WNT4: variants seen among roughly 807,000 people sequenced by gnomAD.
WNT4 encodes protein Wnt-4.
In WNT4, 16 loss-of-function variants were observed where a neutral mutation model predicts 34.5. That is an observed-to-expected ratio of 0.46 (90% confidence interval 0.31 to 0.70). The LOEUF is 0.70. WNT4 is among the 30% of genes least tolerant of loss of function. The pLI is 0.04. For synonymous variants in WNT4, 200 were observed against 211.9 expected (o/e 0.94, Z 0.49); for missense variants, 379 against 495.9 (o/e 0.76, Z 2.24).
chr1:22,120,059 C>T lies in WNT4; in HGVS notation c.1047G>A (p.Thr349=), dbSNP rs1422086618. Residue 349 remains threonine, a synonymous_variant, in exon 5 of 5, where the codon ACG becomes ACA. Transcript: ENST00000290167. ...RQCQRLVELH[T]CR is the part of the protein sequence containing the mutation. The stretch of plus-strand genomic sequence containing the variant: ...AGGGCTAGGCAGGCGGTCATCGGCA[C>T]GTGTGCAACTCCACGAGCCGCTGGC... 14 of 1,607,820 alleles carry T rather than the reference C, an allele frequency of 8.7e-6. No homozygotes were observed. The highest frequency in any genetic ancestry group is 1.1e-5 in the Non-Finnish European group (13 of 1,179,624).
intron 2 of WNT4, chr1:22,127,564 G>T: frequency 2.2e-6 from 1 of 457,148 alleles, no homozygotes; most frequent in Non-Finnish European, 4.6e-6. Flanking sequence ...AGTCGGGTGA[G>T]GAGATACGCA....
intron 1 of WNT4, among the ~76,000 whole-genome samples, chr1:22,138,296 C>T (rs552889271): frequency 3.8e-4 from 58 of 152,248 alleles, no homozygotes; most frequent in Admixed American, 6.5e-4. Flanking sequence ...CACTCCTGTC[C>T]TCTGAAAGTG....
chr1:22,135,834 G>GGCCCAGGCC (rs1646017617), intron 1 of WNT4, among the ~76,000 whole-genome samples: 3 of 152,142 alleles, frequency 2.0e-5, no homozygotes, highest in African/African-American at 7.2e-5. Flanking sequence ...CGGAGAGAGA[G>GGCCCAGGCC]AACGGCCTCC....
chr1:22,129,938 G>A, intron 1 of WNT4, 87 bp from the exon 2 acceptor site: 1 of 1,485,134 alleles, frequency 6.7e-7, no homozygotes. Context: ...CCGGGTCTCT[G>A]GGAACTGACT....
chr1:22,120,750 C>T (rs1645891187), intron 4 of WNT4, among the ~76,000 whole-genome samples: 1 of 152,166 alleles, frequency 6.6e-6, no homozygotes, highest in African/African-American at 2.4e-5. Flanking sequence ...GAAAGAGAAG[C>T]ACTAAGGGTG....
chr1:22,129,937 T>C (rs893799021), intron 1 of WNT4, 86 bp from the exon 2 acceptor site: 1 of 1,498,878 alleles, frequency 6.7e-7, no homozygotes, highest in Non-Finnish European at 9.2e-7. Context: ...CCCGGGTCTC[T>C]GGGAACTGAC....
At position 22,118,291 on chromosome 1, in the gene WNT4, T is replaced by C. The variant is rs921343319; in HGVS notation, c.*1759A>G. 16 of 152,032 alleles carry C rather than the reference T, an allele frequency of 1.1e-4. No homozygotes were observed. Among genetic ancestry groups the C allele is most frequent in the African/African-American group, 3.9e-4 (16 of 41,396 alleles). The allele number at this position is 152,032 out of a possible 1,614,324, so 9.4% of individuals were successfully genotyped here. ...GAGCTTGGAGTCTGGGAACCCCAAG[T>C]GGGGGATCACAGAGCATAAAATCTC... On this transcript the variant is annotated 3_prime_UTR_variant, in exon 5 of 5. Transcript: ENST00000290167.
chr1:22,138,994 C>T (rs1363366435), intron 1 of WNT4, among the ~76,000 whole-genome samples: 3 of 152,220 alleles, frequency 2.0e-5, no homozygotes, highest in African/African-American at 7.2e-5. Context: ...AAAGGTGCTC[C>T]CAGCAGCAAC....
chr1:22,127,543 T>TG (rs1645950548), intron 2 of WNT4: 4 of 497,074 alleles, frequency 8.0e-6, no homozygotes, highest in African/African-American at 5.9e-5. Context: ...GTCCTAGTGA[T>TG]GGGGGAGTGG....
In WNT4 at chr1:22,142,071, C is replaced by G. The variant is rs1256742897; in HGVS notation, c.77+775G>C. Among the ~76,000 whole-genome samples, 1 of 152,188 alleles carries G rather than the reference C, an allele frequency of 6.6e-6. No homozygotes were observed. The highest frequency in any genetic ancestry group is 6.5e-5 in the Admixed American group (1 of 15,290). On this transcript the variant is annotated intron_variant, in intron 1 of 4. Coordinates refer to ENST00000290167, the MANE Select transcript of WNT4 (RefSeq NM_030761.5). This position sits in a 1 kb window ranked among gnomAD's most constrained non-coding sequence, Gnocchi z 6.0. ...CACTGGAGCTCATCCCTTTAGTCTC[C>G]CTCCCTGCAGCAAACCTTCCGCCCC...
intron 2 of WNT4, among the ~76,000 whole-genome samples, chr1:22,128,911 G>C (rs942874785): frequency 6.6e-6 from 1 of 152,076 alleles, no homozygotes; most frequent in African/African-American, 2.4e-5. Context: ...TAGTAGAGAC[G>C]GGGTTTCACT....
At position 22,139,738 on chromosome 1, in the gene WNT4, A is replaced by G. The variant is rs1444761231; in HGVS notation, c.77+3108T>C. 6.6e-6 allele frequency among the ~76,000 whole-genome samples: 1 copy of G among 152,184 alleles called. No homozygotes were observed. The highest frequency in any genetic ancestry group is 1.5e-5 in the Non-Finnish European group (1 of 68,024). ...GAACCCAGGTATCCTGACTCCCGGT[A>G]CAGCCTCAGTGCAGGGAAGAGGGGA... On this transcript the variant is annotated intron_variant, in intron 1 of 4. Transcript: ENST00000290167. This position sits in a 1 kb window ranked among gnomAD's most constrained non-coding sequence, Gnocchi z 4.6.
At chr1:22,126,767 G>A (rs1019400419) in intron 2 of WNT4, among the ~76,000 whole-genome samples, 2 of 152,218 alleles carry the variant, frequency 1.3e-5, no homozygotes, top group African/African-American at 4.8e-5. Context: ...AGCTGGTGAC[G>A]GGAGGCGTGT....
chr1:22,132,105 G>A (rs1233642039), intron 1 of WNT4, among the ~76,000 whole-genome samples: 1 of 152,242 alleles, frequency 6.6e-6, no homozygotes, highest in Non-Finnish European at 1.5e-5. Flanking sequence ...GCTACTGGCT[G>A]TGGGCCAGGT....
chr1:22,121,465 A>G lies in WNT4; in HGVS notation c.425T>C (p.Val142Ala). The stretch of plus-strand genomic sequence containing the variant: ...CCTACCCTGTGGGCTGACCCCATGC[A>G]CTGTCCTGTCACAGCCGCACTTCTC... Reference protein sequence around the residue: ...ELEKCGCDRTVHGVSPQGFQW... With the variant: ...ELEKCGCDRTAHGVSPQGFQW... Residue 142 changes from valine to alanine, a missense_variant, in exon 3 of 5, where the codon GTG becomes GCG. Coordinates refer to ENST00000290167, the MANE Select transcript of WNT4 (RefSeq NM_030761.5). 6.2e-7 allele frequency: 1 copy of G among 1,613,908 alleles called. No individual in the cohort carries two copies. The highest frequency in any genetic ancestry group is 8.5e-7 in the Non-Finnish European group (1 of 1,179,952).
chr1:22,120,453 T>C lies in WNT4; in HGVS notation c.653A>G (p.Lys218Arg). 6.2e-7 allele frequency: 1 copy of C among 1,613,672 alleles called. No homozygotes were observed. The change falls in exon 5 of 5, where the codon AAG becomes AGG. Residue 218 changes from lysine (K) to arginine (R), a missense_variant. Lys to Arg is a conservative substitution (Grantham distance 26, BLOSUM62 2). Transcript: ENST00000290167. ...GGGCGGCACGGCTCGCCAGCACGTC[T>C]TTACCTCACAGGAGCCTGACACCCC... ...CHGVSGSCEV[K>R]TCWRAVPPFR... is the part of the protein sequence containing the mutation.
chr1:22,129,540 C>T (rs1046566823), intron 2 of WNT4, 76 bp downstream of exon 2: 42 of 1,491,428 alleles, frequency 2.8e-5, no homozygotes, highest in Admixed American at 1.7e-4. Context: ...CCGTTGCTCA[C>T]GAGCGTCTCA....
At chr1:22,122,819 A>G (rs542300119) in intron 2 of WNT4, among the ~76,000 whole-genome samples, 58 of 152,168 alleles carry the variant, frequency 3.8e-4, no homozygotes, top group Admixed American at 7.9e-4. Context: ...GAGGCAGTAG[A>G]GGCTGAGCAC....
rs975702124 is a variant in WNT4, at chr1:22,118,463, G to C, written c.*1587C>G. The C allele has an allele frequency of 6.6e-6, 1 of 152,280 alleles. No homozygotes were observed. Among genetic ancestry groups the C allele is most frequent in the Non-Finnish European group, 1.5e-5 (1 of 68,116 alleles). 9.4% of individuals were successfully genotyped at this position (152,280 alleles called of 1,614,324 possible). On this transcript the variant is annotated 3_prime_UTR_variant, in exon 5 of 5. Transcript: ENST00000290167. ...GCATGTCCTTCTCACAAGCCTGGGC[G>C]GGGCTCGTGATGGTTTGGCGGTTGT... is the stretch of plus-strand genomic sequence containing the variant.
Sources: allele counts gnomAD v4.1 joint callset (sites outside exome capture counted in the v4.1 genomes callset), GRCh38; gene constraint gnomAD v4.1.1; non-coding constraint Gnocchi (gnomAD v3.1); transcripts MANE v1.5; gene names NCBI Gene and HGNC (gene_info 2026-07-23, HGNC 2026-07-21).